Variants in LRPAP1 observed in about 807,000 individuals in gnomAD.
LRPAP1 encodes the protein alpha-2-macroglobulin receptor-associated protein.
Under a neutral mutation model 39.9 loss-of-function variants are expected in LRPAP1, and 41 were observed. The ratio of observed to expected loss-of-function variants is 1.03; its 90% CI spans 0.80 to 1.33. The LOEUF (loss-of-function observed/expected upper bound fraction) is 1.33. Ranked by LOEUF, LRPAP1 falls within the 40% of genes most tolerant of loss-of-function variation. The pLI, the probability that LRPAP1 is intolerant of heterozygous loss-of-function variation, is 0.00. For synonymous variants in LRPAP1, 263 were observed against 212.7 expected (o/e 1.24, Z -2.06); for missense variants, 565 against 482.3 (o/e 1.17, Z -1.61).
intron 4 of LRPAP1, 92 bp from the exon 5 acceptor site, chr4:3,518,284 A>C: frequency 1.1e-5 from 15 of 1,348,086 alleles, no homozygotes; most frequent in Admixed American, 2.4e-5. Flanking sequence ...TGGGGAGCTC[A>C]AACTCGCTCT....
At chr4:3,519,962 T>C in intron 3 of LRPAP1, 110 bp downstream of exon 3, 3 of 1,369,694 alleles carry the variant, frequency 2.2e-6, no homozygotes, top group Non-Finnish European at 3.0e-6. Context: ...CCTGAGACTT[T>C]CCCAAACCCC....
intron 1 of LRPAP1, among the ~76,000 whole-genome samples, chr4:3,525,440 C>A (rs777090912): frequency 7.0e-6 from 1 of 142,132 alleles, no homozygotes; most frequent in Non-Finnish European, 1.6e-5. Context: ...AGGACACAGA[C>A]ACCTAGAAGT....
In LRPAP1 at chr4:3,512,823, G is replaced by T; in HGVS notation, c.*151C>A. ...CCAAGCCCTGTGTCGCGACGGCAGC[G>T]GCTGCAGTCACCAGAAACAATCCTT... is the stretch of plus-strand genomic sequence containing the variant. On this transcript the variant is annotated 3_prime_UTR_variant, in exon 8 of 8. Transcript: ENST00000650182. 1 of 638,556 alleles carries T rather than the reference G, an allele frequency of 1.6e-6. No individual in the cohort carries two copies. Among genetic ancestry groups the T allele is most frequent in the Admixed American group, 2.9e-5 (1 of 34,972 alleles). 39.6% of individuals were successfully genotyped at this position (638,556 alleles called of 1,614,324 possible).
chr4:3,524,342 T>C lies in LRPAP1; in HGVS notation c.349+565A>G, dbSNP rs574003778. On this transcript the variant is annotated intron_variant, in intron 2 of 7. Transcript: ENST00000650182. ...CAGGGACGAGGACTCACTAAGCGCA[T>C]GACAACCAAGTGTCCATTCTGATGA... Among the ~76,000 whole-genome samples, 4 of 152,362 alleles carry C rather than the reference T, an allele frequency of 2.6e-5. No homozygotes were observed. In the East Asian group the frequency reaches 7.7e-4, roughly 29 times the overall value.
intron 2 of LRPAP1, among the ~76,000 whole-genome samples, chr4:3,521,215 CGCCTCCCACAGAATGGGGTCCT>C (rs1729899546): frequency 6.6e-6 from 1 of 152,210 alleles, no homozygotes. Context: ...CCCAGGGCCC[CGCCTCCCACAGAATGGGGTCCT>C]GCCTTCCCCT....
At chr4:3,531,128 G>A (rs145585950) in intron 1 of LRPAP1, among the ~76,000 whole-genome samples, 74 of 152,234 alleles carry the variant, frequency 4.9e-4, no homozygotes, top group South Asian at 1.4e-3. Flanking sequence ...AGCCCAGAGC[G>A]TTCTCCCACC....
At position 3,504,926 on chromosome 4, in the gene LRPAP1, G is replaced by A. The variant is rs144701176; in HGVS notation, c.*8048C>T. ...CGCACCAACGCACTCCAGCCTGGGC[G>A]ACAGAGCAAGACTCCGTCTCAAGAA... On this transcript the variant is annotated 3_prime_UTR_variant, in exon 8 of 8. Transcript: ENST00000650182. Among the ~76,000 whole-genome samples the A allele has an allele frequency of 0.01, 1,508 of 148,816 alleles. 28 individuals carry two copies. The highest frequency in any genetic ancestry group is 0.036 in the African/African-American group (1,442 of 40,562).
At chr4:3,518,587 G>A (rs1729804018) in intron 4 of LRPAP1, among the ~76,000 whole-genome samples, 1 of 152,148 alleles carries the variant, frequency 6.6e-6, no homozygotes, top group Non-Finnish European at 1.5e-5. Context: ...CGAAGCTCAG[G>A]TCTGACAAAG....
At position 3,516,118 on chromosome 4, in the gene LRPAP1, G is replaced by A. The variant is rs138120743; in HGVS notation, c.832C>T (p.Arg278Trp). ...AGGAGAGGGCCGTGTTTCCTTACCCGGAACGCCTCCAGCTCCTTGTCCGTG... is the reference window on the plus strand; with the variant it reads ...AGGAGAGGGCCGTGTTTCCTTACCCAGAACGCCTCCAGCTCCTTGTCCGTG... ...NLTDKELEAF[R>W]EELKHFEAKI... Residue 278 changes from arginine to tryptophan, a missense_variant and splice_region_variant, in exon 6 of 8, where the codon CGG becomes TGG. Transcript: ENST00000650182. The A allele has an allele frequency of 1.4e-5, 22 of 1,573,004 alleles. No individual in the cohort carries two copies. The highest frequency in any genetic ancestry group is 4.6e-5 in the East Asian group (2 of 43,336).
At position 3,504,911 on chromosome 4, in the gene LRPAP1, C is replaced by A. The variant is rs982008810; in HGVS notation, c.*8063G>T. ...GCAGTGAGCCGAGATCGCACCAACG[C>A]ACTCCAGCCTGGGCGACAGAGCAAG... On this transcript the variant is annotated 3_prime_UTR_variant, in exon 8 of 8. Coordinates refer to ENST00000650182, the MANE Select transcript of LRPAP1 (RefSeq NM_002337.4). 6.6e-6 allele frequency among the ~76,000 whole-genome samples: 1 copy of A among 151,912 alleles called. No homozygotes were observed. The highest frequency in any genetic ancestry group is 2.4e-5 in the African/African-American group (1 of 41,362).
rs571881241 is a variant in LRPAP1, at chr4:3,512,813, C to T, written c.*161G>A. The T allele has an allele frequency of 1.9e-5, 12 of 620,196 alleles. No individual in the cohort carries two copies. Among genetic ancestry groups the T allele is most frequent in the Admixed American group, 8.7e-5 (3 of 34,360 alleles). The allele number at this position is 620,196 out of a possible 1,614,324, so 38.4% of individuals were successfully genotyped here. A position where few individuals can be genotyped will look rare whatever the true frequency, so the allele number is the denominator to read the frequency against. On this transcript the variant is annotated 3_prime_UTR_variant, in exon 8 of 8. Transcript: ENST00000650182. The stretch of plus-strand genomic sequence containing the variant: ...GCTACCACCACCAAGCCCTGTGTCG[C>T]GACGGCAGCGGCTGCAGTCACCAGA...
At position 3,505,173 on chromosome 4, in the gene LRPAP1, G is replaced by A. The variant is rs985834167; in HGVS notation, c.*7801C>T. ...AGGTTGTGCCTGAGCTCACGGACAC[G>A]AGGAAGAAGGGCGACCGTGTCCTGG... On this transcript the variant is annotated 3_prime_UTR_variant, in exon 8 of 8. Transcript: ENST00000650182. Among the ~76,000 whole-genome samples the A allele has an allele frequency of 2.0e-5, 3 of 152,188 alleles. No individual in the cohort carries two copies. Among genetic ancestry groups the A allele is most frequent in the East Asian group, 1.9e-4 (1 of 5,188 alleles).
At chr4:3,516,040 C>CAT in intron 6 of LRPAP1, 76 bp downstream of exon 6, 11 of 1,373,744 alleles carry the variant, frequency 8.0e-6, no homozygotes, top group Non-Finnish European at 1.1e-5. Context: ...GAGAGGGCTG[C>CAT]ATTTCCTTAC....
chr4:3,525,388 A>G (rs1484858368), intron 1 of LRPAP1, among the ~76,000 whole-genome samples: 1 of 152,186 alleles, frequency 6.6e-6, no homozygotes, highest in African/African-American at 2.4e-5. Flanking sequence ...ACAGAGCAGG[A>G]AGAAGATACC....
rs1729387449 is a variant in LRPAP1, at chr4:3,507,469, A to G, written c.*5505T>C. 2 of 100,894 alleles carry G rather than the reference A, an allele frequency of 2.0e-5. No individual in the cohort carries two copies. Among genetic ancestry groups the G allele is most frequent in the Admixed American group, 1.2e-4 (1 of 8,050 alleles). The allele number at this position is 100,894 out of a possible 1,614,324, so 6.2% of individuals were successfully genotyped here. ...AATGTGATTTGTATTATTTACCTAC[A>G]TATCATATATTTATACATTATCATC... is the stretch of plus-strand genomic sequence containing the variant. On this transcript the variant is annotated 3_prime_UTR_variant, in exon 8 of 8. Coordinates refer to ENST00000650182, the MANE Select transcript of LRPAP1 (RefSeq NM_002337.4).
chr4:3,522,101 G>C (rs1190357182), intron 2 of LRPAP1, among the ~76,000 whole-genome samples: 1 of 152,240 alleles, frequency 6.6e-6, no homozygotes, highest in Non-Finnish European at 1.5e-5. Context: ...TAGAAAGCCA[G>C]TGCCAGGCCT....
At chr4:3,514,965 C>A (rs776313163) in intron 6 of LRPAP1, 37 bp from the exon 7 acceptor site, 1 of 1,600,844 alleles carries the variant, frequency 6.2e-7, no homozygotes, top group Non-Finnish European at 8.5e-7. Flanking sequence ...GTTCCCTTCC[C>A]GTGCTCGCCA....
chr4:3,523,902 G>C (rs1729998765), intron 2 of LRPAP1, among the ~76,000 whole-genome samples: 1 of 152,030 alleles, frequency 6.6e-6, no homozygotes, highest in Admixed American at 6.5e-5. Flanking sequence ...CGTCCTGTGA[G>C]ACAGGAGGAG....
In LRPAP1 at chr4:3,507,642, A is replaced by G. The variant is rs1221601391; in HGVS notation, c.*5332T>C. On this transcript the variant is annotated 3_prime_UTR_variant, in exon 8 of 8. Transcript: ENST00000650182. ...CATTCTTTCATATTCTTCATCAATG[A>G]TCTAAGCCTCTATCAAAAGAACCTA... 1 of 152,212 alleles carries G rather than the reference A, an allele frequency of 6.6e-6. No homozygotes were observed. Among genetic ancestry groups the G allele is most frequent in the East Asian group, 1.9e-4 (1 of 5,206 alleles). The allele number at this position is 152,212 out of a possible 1,614,324, so 9.4% of individuals were successfully genotyped here. A position where few individuals can be genotyped will look rare whatever the true frequency, so the allele number is the denominator to read the frequency against.
Sources: allele counts gnomAD v4.1 joint callset (sites outside exome capture counted in the v4.1 genomes callset), GRCh38; gene constraint gnomAD v4.1.1; transcripts MANE v1.5; gene names NCBI Gene and HGNC (gene_info 2026-07-23, HGNC 2026-07-21).